The following MID1 variants were observed in gnomAD, a reference collection of about 807,000 sequenced individuals.
MID1 encodes the protein E3 ubiquitin-protein ligase Midline-1.
In MID1, 7 loss-of-function variants were observed where a neutral mutation model predicts 40.4. That is an observed-to-expected ratio of 0.17 (90% CI 0.10 to 0.33). The LOEUF is 0.33. MID1 is among the 10% of genes least tolerant of loss of function. The probability of loss-of-function intolerance (pLI) is 1.00; values close to 1 mark genes in which losing one functional copy is unlikely to be tolerated. For synonymous variants in MID1, 229 were observed against 221.2 expected (o/e 1.04, Z -0.31); for missense variants, 367 against 558.5 (o/e 0.66, Z 3.46).
intron 1 of MID1, among the ~76,000 whole-genome samples, chrX:10,777,549 T>C (rs1022431268): frequency 2.0e-5 from 2 of 102,203 alleles, no homozygotes; most frequent in East Asian, 6.1e-4. Flanking sequence ...TTTTCTTTTC[T>C]TTTTTTTTTT....
chrX:10,643,492 G>A (rs886131475), intron 1 of MID1, among the ~76,000 whole-genome samples: 116 of 111,854 alleles, frequency 1.0e-3, no homozygotes, highest in Middle Eastern at 9.2e-3. Flanking sequence ...TTACAATGGC[G>A]ATCATTAAAA....
intron 1 of MID1, among the ~76,000 whole-genome samples, chrX:10,748,755 T>C (rs186346565): frequency 8.9e-6 from 1 of 111,865 alleles, no homozygotes; most frequent in African/African-American, 3.3e-5. Context: ...CTGTGTGCAG[T>C]AGATAATGGG....
chrX:10,601,740 C>T (rs1368624178), intron 1 of MID1, among the ~76,000 whole-genome samples: 2 of 111,058 alleles, frequency 1.8e-5, no homozygotes, highest in East Asian at 2.8e-4. Flanking sequence ...TACACACACA[C>T]GTACGTGTGC....
chrX:10,777,381 G>C (rs1274743826), intron 1 of MID1, among the ~76,000 whole-genome samples: 2 of 201 alleles, frequency 1.0e-2, no homozygotes, highest in African/African-American at 0.038. Context: ...TGTATTTTTA[G>C]TAGAGACGGG....
intron 1 of MID1, among the ~76,000 whole-genome samples, chrX:10,813,441 A>G (rs1602593398): frequency 8.9e-6 from 1 of 111,815 alleles, no homozygotes; most frequent in African/African-American, 3.2e-5. Flanking sequence ...AAAGAAGAGT[A>G]AACAAAGTCC....
At chrX:10,805,227 C>G (rs181294136) in intron 1 of MID1, among the ~76,000 whole-genome samples, 2,324 of 82,776 alleles carry the variant, frequency 0.028, 80 homozygotes, top group African/African-American at 0.098. Flanking sequence ...CCCCTCCCCC[C>G]ACCCCACAAC....
chrX:10,617,173 C>A (rs1381297476), intron 1 of MID1, among the ~76,000 whole-genome samples: 1 of 112,095 alleles, frequency 8.9e-6, no homozygotes, highest in East Asian at 2.8e-4. Context: ...GAGTATTCAT[C>A]CCCAGACTTG....
intron 1 of MID1, among the ~76,000 whole-genome samples, chrX:10,608,555 T>C (rs1935667880): frequency 8.9e-6 from 1 of 111,857 alleles, no homozygotes; most frequent in Non-Finnish European, 1.9e-5. Flanking sequence ...GGAGAACAGA[T>C]GATTACTGGT....
At chrX:10,654,468 G>C (rs967642428) in intron 1 of MID1, among the ~76,000 whole-genome samples, 1 of 111,780 alleles carries the variant, frequency 8.9e-6, no homozygotes, top group Admixed American at 9.5e-5. Flanking sequence ...GGATGAAACT[G>C]TTCCACTTCA....
At chrX:10,633,381 G>T (rs1199390647) in intron 1 of MID1, among the ~76,000 whole-genome samples, 1 of 111,701 alleles carries the variant, frequency 9.0e-6, no homozygotes, top group East Asian at 2.8e-4. Context: ...AAAAGGGTAT[G>T]TTAAAAGCCC....
chrX:10,576,518 C>A (rs760654548), intron 1 of MID1, among the ~76,000 whole-genome samples: 1 of 111,306 alleles, frequency 9.0e-6, no homozygotes, highest in Non-Finnish European at 1.9e-5. Context: ...AATACTTAAA[C>A]ACTCCTTCTC....
rs1052329580 is a variant in MID1 at position 10,561,442 on chromosome X, T to C, written c.660+5446A>G. 1.6e-4 allele frequency among the ~76,000 whole-genome samples: 17 copies of C among 106,546 alleles called. 3 individuals are homozygous for C. The highest frequency in any genetic ancestry group is 6.4e-4 in the African/African-American group (17 of 26,567). 92.5% of individuals were successfully genotyped at this position (106,546 alleles called of 115,157 possible). A position where few individuals can be genotyped will look rare whatever the true frequency, so the allele number is the denominator to read the frequency against. On this transcript the variant is annotated intron_variant, in intron 2 of 9. Coordinates refer to ENST00000317552, the MANE Select transcript of MID1 (RefSeq NM_000381.4). ...CAGAGTGAACAGACAACCTACAGAA[T>C]GGGAGAAAAATTTTACAATCTACCC...
chrX:10,819,800 C>T (rs1048497298), intron 1 of MID1, among the ~76,000 whole-genome samples: 2 of 111,651 alleles, frequency 1.8e-5, no homozygotes, highest in African/African-American at 6.5e-5. Context: ...TGAGTAAGAG[C>T]CATATTTTAT....
Position 10,455,173 on chromosome X carries a change from C to T in MID1, c.1448-96G>A, listed in dbSNP as rs1928583329. 5.3e-6 allele frequency: 4 copies of T among 756,784 alleles called. No homozygotes were observed. The South Asian group carries it at 6.7e-5, about 13-fold the overall frequency. 62.4% of individuals were successfully genotyped at this position (756,784 alleles called of 1,213,427 possible). A position where few individuals can be genotyped will look rare whatever the true frequency, so the allele number is the denominator to read the frequency against. On this transcript the variant is annotated intron_variant, in intron 8 of 9. Transcript: ENST00000317552. ...TATTTTCAAAATCAGGTTTAAAAGA[C>T]AGGAACAAGCCAGCCCTCCCTGAGT... is the stretch of plus-strand genomic sequence containing the variant.
chrX:10,642,660 C>A (rs1158616348), intron 1 of MID1, among the ~76,000 whole-genome samples: 1 of 110,628 alleles, frequency 9.0e-6, no homozygotes, highest in African/African-American at 3.3e-5. Context: ...TTGGAAAAAA[C>A]TACTTTAAAG....
Position 10,495,689 on chromosome X carries a change from G to A in MID1, c.759C>T (p.Val253=), listed in dbSNP as rs777295229. The part of the protein sequence containing the change: ...KLIQTCQHVE[V]NASRQEAKLT... Reference sequence around the variant, plus strand: ...ATTTGGCTTCTTGACGTGATGCATTGACCTACAGGATAAGTACAATGGTAA... The same window carrying A: ...ATTTGGCTTCTTGACGTGATGCATTAACCTACAGGATAAGTACAATGGTAA... Residue 253 remains valine (V), a splice_region_variant and synonymous_variant, in exon 4 of 10, where the codon GTC becomes GTT. Coordinates refer to ENST00000317552, the MANE Select transcript of MID1 (RefSeq NM_000381.4). 18 of 1,177,266 alleles carry A rather than the reference G, an allele frequency of 1.5e-5. 1 individual carries two copies. In the South Asian group the frequency reaches 3.0e-4, roughly 20 times the overall value.
At chrX:10,645,642 T>A (rs1936254281) in intron 1 of MID1, among the ~76,000 whole-genome samples, 1 of 112,320 alleles carries the variant, frequency 8.9e-6, no homozygotes, top group African/African-American at 3.2e-5. Context: ...CTAAGCACCC[T>A]ATTGGACACC....
chrX:10,732,522 A>G (rs116252531), intron 1 of MID1, among the ~76,000 whole-genome samples: 4,249 of 112,194 alleles, frequency 0.038, 173 homozygotes, highest in African/African-American at 0.13. Context: ...ATGATTAGGG[A>G]TTATAAAATT....
rs757940082 is a variant in MID1 at position 10,484,977 on chromosome X, T to TA, written c.865-2350dup. Among the ~76,000 whole-genome samples the TA allele has an allele frequency of 4.5e-3, 460 of 101,968 alleles. 1 individual carries two copies. The highest frequency in any genetic ancestry group is 0.015 in the Middle Eastern group (3 of 199). 88.5% of individuals were successfully genotyped at this position (101,968 alleles called of 115,157 possible). On this transcript the variant is annotated intron_variant, in intron 4 of 9. Transcript: ENST00000317552. The stretch of plus-strand genomic sequence containing the variant: ...ATATATTTCTTACTGCGGGTTACAG[T>TA]AAAAAAAAAAAGAAAAAAGAAAAAC...
Sources: allele counts gnomAD v4.1 joint callset (sites outside exome capture counted in the v4.1 genomes callset), GRCh38; gene constraint gnomAD v4.1.1; transcripts MANE v1.5; gene names NCBI Gene and HGNC (gene_info 2026-07-23, HGNC 2026-07-21).